The following PDE4D variants were observed in gnomAD, a reference collection of about 807,000 sequenced individuals.
PDE4D encodes 3',5'-cyclic-AMP phosphodiesterase 4D.
A neutral mutation model predicts 87.4 loss-of-function variants in PDE4D; 24 were observed. The ratio of observed to expected loss-of-function variants is 0.27; its 90% CI spans 0.20 to 0.39. PDE4D has a LOEUF of 0.39. PDE4D is among the 10% of genes least tolerant of loss of function. The probability of loss-of-function intolerance (pLI) is 1.00; values close to 1 mark genes in which losing one functional copy is unlikely to be tolerated. For missense variants in PDE4D, 714 were observed against 1,041.0 expected (o/e 0.69, Z 4.32); for synonymous variants, 384 against 383.2 (o/e 1.00, Z -0.02).
chr5:60,026,934 A>G (rs1473109377), intron 2 of PDE4D, among the ~76,000 whole-genome samples: 2 of 152,124 alleles, frequency 1.3e-5, no homozygotes, highest in Admixed American at 1.3e-4. Flanking sequence ...TTACACACGC[A>G]AATTTTTTCT....
intron 1 of PDE4D, among the ~76,000 whole-genome samples, chr5:59,821,058 C>G (rs1040435285): frequency 6.6e-6 from 1 of 152,060 alleles, no homozygotes; most frequent in Non-Finnish European, 1.5e-5. Context: ...ATGGTGAAAC[C>G]CCATCTCCAC....
intron 3 of PDE4D, among the ~76,000 whole-genome samples, chr5:59,921,183 T>C (rs1305844117): frequency 6.6e-6 from 1 of 152,172 alleles, no homozygotes; most frequent in Non-Finnish European, 1.5e-5. Context: ...GTGGGCAGGA[T>C]ATTAAGTGTA....
intron 1 of PDE4D, among the ~76,000 whole-genome samples, chr5:59,256,536 AG>A (rs1397544243): frequency 1.3e-5 from 2 of 152,110 alleles, no homozygotes; most frequent in Non-Finnish European, 2.9e-5. Flanking sequence ...AATTTGAAAA[AG>A]GCAAAACTGT....
At chr5:59,970,486 A>G (rs1760600609) in intron 3 of PDE4D, among the ~76,000 whole-genome samples, 1 of 152,250 alleles carries the variant, frequency 6.6e-6, no homozygotes, top group Non-Finnish European at 1.5e-5. Context: ...TCCAGAATCT[A>G]CAATGAACTT....
chr5:59,919,804 G>A lies in PDE4D; in HGVS notation c.272+68684C>T, dbSNP rs539483244. ...TCAAATTGGTTTTACATGTATATGC[G>A]CATATATTTTAACCTCTCAAATGTC... On this transcript the variant is annotated intron_variant, in intron 3 of 16. Coordinates refer to the PDE4D transcript ENST00000502484. 4.3e-4 allele frequency among the ~76,000 whole-genome samples: 66 copies of A among 152,182 alleles called. No homozygotes were observed. The Middle Eastern group carries it at 0.01, about 24-fold the overall frequency.
chr5:59,138,526 C>T (rs1777455496), intron 5 of PDE4D, among the ~76,000 whole-genome samples: 1 of 152,144 alleles, frequency 6.6e-6, no homozygotes. Context: ...ACCTTGTGAT[C>T]CACCCGCCTC....
chr5:59,559,978 A>G, intron 1 of PDE4D, among the ~76,000 whole-genome samples: 1 of 152,204 alleles, frequency 6.6e-6, no homozygotes, highest in East Asian at 1.9e-4. Flanking sequence ...TACAATTTCA[A>G]GTCTTTAATA....
At chr5:59,324,089 T>A (rs1020124803) in intron 1 of PDE4D, among the ~76,000 whole-genome samples, 29 of 152,110 alleles carry the variant, frequency 1.9e-4, no homozygotes, top group African/African-American at 7.0e-4. Context: ...CTTGGCTATC[T>A]CCTCTTGAGC....
At chr5:59,241,615 G>C (rs1757695613) in intron 1 of PDE4D, among the ~76,000 whole-genome samples, 1 of 152,206 alleles carries the variant, frequency 6.6e-6, no homozygotes, top group African/African-American at 2.4e-5. Context: ...TCAAGAGAGA[G>C]GGTAACTTTA....
intron 1 of PDE4D, among the ~76,000 whole-genome samples, chr5:59,549,745 A>G (rs1379834635): frequency 6.6e-6 from 1 of 152,140 alleles, no homozygotes; most frequent in Non-Finnish European, 1.5e-5. Flanking sequence ...ATACACACAA[A>G]CACACACATG....
chr5:59,171,641 AC>A (rs1168406073), intron 5 of PDE4D, among the ~76,000 whole-genome samples: 3 of 151,300 alleles, frequency 2.0e-5, no homozygotes, highest in East Asian at 1.9e-4. Context: ...ATGCTTCCAT[AC>A]CTTATTCTTG....
chr5:59,628,602 A>G (rs1831181215), intron 1 of PDE4D, among the ~76,000 whole-genome samples: 1 of 152,168 alleles, frequency 6.6e-6, no homozygotes, highest in African/African-American at 2.4e-5. Context: ...TCTATTTTGT[A>G]CCAGGCACTG....
At chr5:59,672,561 T>C (rs1477555367) in intron 1 of PDE4D, among the ~76,000 whole-genome samples, 1 of 152,204 alleles carries the variant, frequency 6.6e-6, no homozygotes, top group African/African-American at 2.4e-5. Context: ...ATTAAATTCA[T>C]CACCTAAGAA....
At chr5:59,528,524 A>T (rs1813574257) in intron 1 of PDE4D, among the ~76,000 whole-genome samples, 1 of 152,104 alleles carries the variant, frequency 6.6e-6, no homozygotes, top group African/African-American at 2.4e-5. Flanking sequence ...CAACGATACG[A>T]TGTGGCAGCC....
intron 5 of PDE4D, chr5:59,164,847 G>A (rs1287179325): frequency 6.6e-6 from 1 of 152,108 alleles, no homozygotes; most frequent in East Asian, 1.9e-4. Context: ...TCTGAATAGG[G>A]GTTGGGCTGA....
At chr5:59,576,012 C>T (rs904633971) in intron 1 of PDE4D, among the ~76,000 whole-genome samples, 4 of 152,144 alleles carry the variant, frequency 2.6e-5, no homozygotes, top group African/African-American at 7.2e-5. Flanking sequence ...CTCCAAGCAA[C>T]CTATAGTTAA....
At chr5:59,170,096 T>C (rs1260903137) in intron 5 of PDE4D, among the ~76,000 whole-genome samples, 1 of 152,158 alleles carries the variant, frequency 6.6e-6, no homozygotes, top group Non-Finnish European at 1.5e-5. Flanking sequence ...AGTGGCATGA[T>C]CATGGTTCAC....
chr5:60,459,290 C>T (rs557529730), intron 1 of PDE4D, among the ~76,000 whole-genome samples: 1 of 152,056 alleles, frequency 6.6e-6, no homozygotes, highest in African/African-American at 2.4e-5. Context: ...AATAAACATG[C>T]CAAAGGAGAA....
At chr5:60,119,867 G>A (rs191119891) in intron 2 of PDE4D, among the ~76,000 whole-genome samples, 22 of 152,234 alleles carry the variant, frequency 1.4e-4, no homozygotes, top group African/African-American at 5.3e-4. Context: ...TTGGTCTTTG[G>A]TCATTCAAGA....
Sources: allele counts gnomAD v4.1 joint callset (sites outside exome capture counted in the v4.1 genomes callset), GRCh38; gene constraint gnomAD v4.1.1; transcripts MANE v1.5; gene names NCBI Gene and HGNC (gene_info 2026-07-23, HGNC 2026-07-21).